MAPKAP1: variants seen among roughly 807,000 people sequenced by gnomAD.
The protein encoded by MAPKAP1 is MAPK associated protein 1.
A neutral mutation model predicts 65.7 loss-of-function variants in MAPKAP1; 20 were observed. The ratio of observed to expected loss-of-function variants is 0.30; its 90% confidence interval spans 0.21 to 0.44. The LOEUF is 0.44. MAPKAP1 is among the 20% of genes least tolerant of loss of function. MAPKAP1 has a pLI of 1.00. For synonymous variants in MAPKAP1, 222 were observed against 244.3 expected (o/e 0.91, Z 0.85); for missense variants, 423 against 648.0 (o/e 0.65, Z 3.77).
chr9:125,575,461 G>A (rs1831364759), intron 5 of MAPKAP1, among the ~76,000 whole-genome samples: 1 of 152,166 alleles, frequency 6.6e-6, no homozygotes, highest in African/African-American at 2.4e-5. Flanking sequence ...TCAAAATGAT[G>A]CTAATCCAGA....
intron 8 of MAPKAP1, among the ~76,000 whole-genome samples, chr9:125,494,065 C>T (rs554724192): frequency 6.6e-6 from 1 of 152,284 alleles, no homozygotes; most frequent in African/African-American, 2.4e-5. Context: ...GGGATAAAAC[C>T]TAACTCTCCA....
intron 1 of MAPKAP1, among the ~76,000 whole-genome samples, chr9:125,705,632 A>G (rs1835734754): frequency 6.6e-6 from 1 of 152,202 alleles, no homozygotes; most frequent in East Asian, 1.9e-4. Flanking sequence ...ACATATCCAT[A>G]TTCAGTAAAC....
chr9:125,543,297 C>T (rs1830311326), intron 6 of MAPKAP1, 129 bp from the exon 7 acceptor site: 12 of 644,530 alleles, frequency 1.9e-5, no homozygotes, highest in South Asian at 1.3e-4. Context: ...AATGGAGTCT[C>T]GCTCTGTCAC....
Position 125,438,703 on chromosome 9 carries a change from A to C in MAPKAP1, c.*184T>G. 1 of 648,152 alleles carries C rather than the reference A, an allele frequency of 1.5e-6. No homozygotes were observed. Among genetic ancestry groups the C allele is most frequent in the Non-Finnish European group, 2.6e-6 (1 of 383,772 alleles). 40.2% of individuals were successfully genotyped at this position (648,152 alleles called of 1,614,324 possible). On this transcript the variant is annotated 3_prime_UTR_variant, in exon 12 of 12. Transcript: ENST00000265960. ...GCCAAGCAGACTTCCGTCCCATGGCAATGTCCCCAGCGCTCCCTCCTAGGG... is the reference window on the plus strand; with the variant it reads ...GCCAAGCAGACTTCCGTCCCATGGCCATGTCCCCAGCGCTCCCTCCTAGGG...
chr9:125,514,924 A>C (rs1247582474), intron 7 of MAPKAP1, among the ~76,000 whole-genome samples: 4 of 152,144 alleles, frequency 2.6e-5, no homozygotes. Context: ...AACATCAGCT[A>C]TGCTAAAATG....
chr9:125,680,485 A>G (rs1450446912), intron 1 of MAPKAP1, among the ~76,000 whole-genome samples: 1 of 152,190 alleles, frequency 6.6e-6, no homozygotes, highest in African/African-American at 2.4e-5. Context: ...TTTTTGGACT[A>G]GCAAAAATTG....
At chr9:125,459,030 C>G (rs1372783875) in intron 10 of MAPKAP1, among the ~76,000 whole-genome samples, 1 of 122,592 alleles carries the variant, frequency 8.2e-6, no homozygotes, top group African/African-American at 3.2e-5. Context: ...GGGCGGCTGC[C>G]GGGCGGAGGG....
At chr9:125,607,294 C>G (rs1832466001) in intron 4 of MAPKAP1, among the ~76,000 whole-genome samples, 1 of 152,164 alleles carries the variant, frequency 6.6e-6, no homozygotes, top group African/African-American at 2.4e-5. Flanking sequence ...ATAAAATGAA[C>G]TACACTCCTA....
At chr9:125,657,987 A>C (rs912704983) in intron 3 of MAPKAP1, among the ~76,000 whole-genome samples, 188 bp from the exon 4 acceptor site, 1 of 152,226 alleles carries the variant, frequency 6.6e-6, no homozygotes, top group Non-Finnish European at 1.5e-5. Context: ...CGTGCAGGCC[A>C]GGATAGTCAA....
At chr9:125,530,680 CTT>C (rs2133138373) in intron 7 of MAPKAP1, among the ~76,000 whole-genome samples, 1 of 152,300 alleles carries the variant, frequency 6.6e-6, no homozygotes, top group African/African-American at 2.4e-5. Context: ...TTTTCTCCTT[CTT>C]CAAAATAAAG....
chr9:125,602,449 T>C (rs1832325847), intron 4 of MAPKAP1, among the ~76,000 whole-genome samples: 1 of 152,064 alleles, frequency 6.6e-6, no homozygotes, highest in Admixed American at 6.6e-5. Context: ...AAGCAGTAAG[T>C]GGCAGAAAAC....
At chr9:125,470,065 T>C (rs1216817195) in intron 9 of MAPKAP1, among the ~76,000 whole-genome samples, 1 of 152,154 alleles carries the variant, frequency 6.6e-6, no homozygotes, top group Non-Finnish European at 1.5e-5. Flanking sequence ...TCAGAAAGAA[T>C]GGGGAAAAAT....
chr9:125,622,446 T>A (rs1469336797), intron 4 of MAPKAP1, among the ~76,000 whole-genome samples: 1 of 152,076 alleles, frequency 6.6e-6, no homozygotes, highest in Non-Finnish European at 1.5e-5. Context: ...TATTTTATAT[T>A]TTATTTTATT....
At chr9:125,537,762 G>A (rs891322815) in intron 7 of MAPKAP1, among the ~76,000 whole-genome samples, 2 of 152,230 alleles carry the variant, frequency 1.3e-5, no homozygotes, top group African/African-American at 4.8e-5. Context: ...AATTACAGGT[G>A]TGAGCTACTG....
chr9:125,460,618 A>G, intron 10 of MAPKAP1, among the ~76,000 whole-genome samples: 1 of 152,202 alleles, frequency 6.6e-6, no homozygotes, highest in East Asian at 1.9e-4. Flanking sequence ...TCCGAAATTC[A>G]GAGTGTTGAT....
intron 8 of MAPKAP1, among the ~76,000 whole-genome samples, chr9:125,502,262 T>C (rs1157298511): frequency 1.3e-5 from 2 of 151,958 alleles, no homozygotes; most frequent in East Asian, 3.9e-4. Flanking sequence ...CCACCATGCC[T>C]GGCTAATTTT....
rs1196187719 is a variant in MAPKAP1, at chr9:125,444,490, G to A, written c.1443+11C>T. 7.5e-6 allele frequency: 12 copies of A among 1,601,926 alleles called. No individual in the cohort carries two copies. In the African/African-American group the frequency reaches 1.6e-4, roughly 21 times the overall value. The stretch of plus-strand genomic sequence containing the variant: ...ACCTACCCTGTCTCTGGTTCAAGAA[G>A]GAATACTCACCTTGAGCACAATTTC... On this transcript the variant is annotated intron_variant, in intron 11 of 11. Transcript: ENST00000265960.
At chr9:125,525,658 A>G (rs1829740905) in intron 7 of MAPKAP1, among the ~76,000 whole-genome samples, 1 of 151,940 alleles carries the variant, frequency 6.6e-6, no homozygotes, top group South Asian at 2.1e-4. Context: ...GGGCAACAAG[A>G]GCAAAACTCC....
At chr9:125,649,815 AAAG>A (rs1833842241) in intron 4 of MAPKAP1, among the ~76,000 whole-genome samples, 1 of 151,894 alleles carries the variant, frequency 6.6e-6, no homozygotes, top group Non-Finnish European at 1.5e-5. Context: ...AAAAAAAAAA[AAAG>A]AAAAGAAGAA....
Sources: allele counts gnomAD v4.1 joint callset (sites outside exome capture counted in the v4.1 genomes callset), GRCh38; gene constraint gnomAD v4.1.1; transcripts MANE v1.5; gene names NCBI Gene and HGNC (gene_info 2026-07-23, HGNC 2026-07-21).